The following FGF12 variants were observed in gnomAD, a reference collection of about 807,000 sequenced individuals.
FGF12 encodes fibroblast growth factor 12, also known as fibroblast growth factor 12B.
A neutral mutation model predicts 23.6 loss-of-function variants in FGF12; 14 were observed. The ratio of observed to expected loss-of-function variants is 0.59; its 90% confidence interval spans 0.39 to 0.93. The LOEUF (loss-of-function observed/expected upper bound fraction) is 0.93, where lower values mean the gene tolerates loss of function less well. Ranked by LOEUF, FGF12 falls within the 40% of genes least tolerant of loss-of-function variation. The pLI is 0.00. For synonymous variants in FGF12, 62 were observed against 77.3 expected (o/e 0.80, Z 1.04); for missense variants, 175 against 217.8 (o/e 0.80, Z 1.24).
At chr3:192,638,472 A>G (rs935874699) in intron 2 of FGF12, among the ~76,000 whole-genome samples, 24 of 152,220 alleles carry the variant, frequency 1.6e-4, no homozygotes, top group African/African-American at 5.5e-4. Context: ...GGAAGAGGGA[A>G]AGATTTCATT....
chr3:192,457,912 C>T (rs1722730053), intron 2 of FGF12, among the ~76,000 whole-genome samples: 1 of 152,160 alleles, frequency 6.6e-6, no homozygotes, highest in African/African-American at 2.4e-5. Context: ...GCCCAGGGTC[C>T]CTGTGCTGTG....
intron 4 of FGF12, among the ~76,000 whole-genome samples, chr3:192,287,264 A>G (rs1714505241): frequency 6.6e-6 from 1 of 151,952 alleles, no homozygotes; most frequent in Non-Finnish European, 1.5e-5. Flanking sequence ...TGCACTTAAC[A>G]ATTCACTGCT....
chr3:192,603,432 C>T (rs1410684146), intron 2 of FGF12, among the ~76,000 whole-genome samples: 2 of 152,018 alleles, frequency 1.3e-5, no homozygotes, highest in East Asian at 1.9e-4. Context: ...ATTCCATTTA[C>T]AATATCAACA....
chr3:192,250,451 C>A (rs1711931106), intron 4 of FGF12, among the ~76,000 whole-genome samples: 1 of 152,054 alleles, frequency 6.6e-6, no homozygotes, highest in African/African-American at 2.4e-5. Flanking sequence ...AATATTTACA[C>A]CTTGAGAAAA....
chr3:192,282,472 A>G (rs771603170), intron 4 of FGF12, among the ~76,000 whole-genome samples: 31 of 152,032 alleles, frequency 2.0e-4, no homozygotes, highest in Admixed American at 1.1e-3. Flanking sequence ...TACTCCCACT[A>G]TGAGATGTTT....
At chr3:192,679,635 C>CAAA (rs72404495) in intron 2 of FGF12, among the ~76,000 whole-genome samples, 5 of 146,248 alleles carry the variant, frequency 3.4e-5, no homozygotes, top group East Asian at 2.0e-4. Flanking sequence ...GCCTGCCAAC[C>CAAA]AAAAAAAAAA....
chr3:192,337,348 C>T (rs1185909984), intron 3 of FGF12, among the ~76,000 whole-genome samples: 1 of 152,006 alleles, frequency 6.6e-6, no homozygotes, highest in African/African-American at 2.4e-5. Context: ...GAACAGAAAA[C>T]ATTTTAGTGA....
chr3:192,478,941 G>T (rs1269247877), intron 2 of FGF12, among the ~76,000 whole-genome samples: 1 of 152,076 alleles, frequency 6.6e-6, no homozygotes, highest in South Asian at 2.1e-4. Context: ...AACCTGCTCA[G>T]TCCACTTTTC....
chr3:192,187,267 C>T (rs1270900386), intron 4 of FGF12, among the ~76,000 whole-genome samples: 1 of 152,140 alleles, frequency 6.6e-6, no homozygotes, highest in African/African-American at 2.4e-5. Context: ...TAGTTTCTGA[C>T]ATATATAGTC....
At chr3:192,325,361 CT>C (rs1401971545) in intron 4 of FGF12, among the ~76,000 whole-genome samples, 1 of 152,128 alleles carries the variant, frequency 6.6e-6, no homozygotes, top group Non-Finnish European at 1.5e-5. Context: ...TGTAAATGAT[CT>C]AAACTGAATA....
intron 2 of FGF12, among the ~76,000 whole-genome samples, chr3:192,395,994 G>A (rs1044742954): frequency 3.3e-5 from 5 of 152,180 alleles, no homozygotes; most frequent in African/African-American, 7.2e-5. Context: ...TAGTATGTGG[G>A]GAAGGGTGGA....
intron 4 of FGF12, among the ~76,000 whole-genome samples, chr3:192,240,906 T>G (rs1338545941): frequency 2.0e-5 from 3 of 152,204 alleles, no homozygotes; most frequent in Admixed American, 2.0e-4. Flanking sequence ...AAAGGACTTC[T>G]TTGAGCTTTC....
chr3:192,147,657 AT>A (rs58042604), intron 5 of FGF12, among the ~76,000 whole-genome samples: 1 of 151,990 alleles, frequency 6.6e-6, no homozygotes, highest in Non-Finnish European at 1.5e-5. Context: ...TATCACCCCC[AT>A]TTTTTTTAAA....
chr3:192,339,646 C>A (rs1717598607), intron 3 of FGF12, among the ~76,000 whole-genome samples: 1 of 152,166 alleles, frequency 6.6e-6, no homozygotes, highest in African/African-American at 2.4e-5. Context: ...TTGGCCAACT[C>A]TTTTCATCAT....
At chr3:192,596,872 A>G (rs1713880020) in intron 2 of FGF12, among the ~76,000 whole-genome samples, 1 of 152,230 alleles carries the variant, frequency 6.6e-6, no homozygotes, top group African/African-American at 2.4e-5. Context: ...GGAGGCTGCT[A>G]AACTTTCTGG....
intron 4 of FGF12, among the ~76,000 whole-genome samples, chr3:192,224,177 G>T (rs1718612183): frequency 6.6e-6 from 1 of 152,088 alleles, no homozygotes; most frequent in South Asian, 2.1e-4. Flanking sequence ...TTCTATATTT[G>T]CAAGGTGCAG....
intron 2 of FGF12, among the ~76,000 whole-genome samples, chr3:192,643,589 CCTTTT>C (rs1307930272): frequency 3.3e-5 from 5 of 152,150 alleles, no homozygotes; most frequent in African/African-American, 4.8e-5. Context: ...AATGTCCTTT[CCTTTT>C]AATTTTCATA....
At chr3:192,420,227 G>A (rs992587100) in intron 2 of FGF12, among the ~76,000 whole-genome samples, 1 of 152,120 alleles carries the variant, frequency 6.6e-6, no homozygotes, top group Non-Finnish European at 1.5e-5. Flanking sequence ...GCTATTAGGA[G>A]CTCTGCTATG....
intron 2 of FGF12, among the ~76,000 whole-genome samples, chr3:192,596,276 G>A (rs980301889): frequency 2.6e-5 from 4 of 151,778 alleles, no homozygotes; most frequent in East Asian, 3.9e-4. Flanking sequence ...CGTCAAGACT[G>A]TTCAATGACT....
Sources: allele counts gnomAD v4.1 joint callset (sites outside exome capture counted in the v4.1 genomes callset), GRCh38; gene constraint gnomAD v4.1.1; transcripts MANE v1.5; gene names NCBI Gene and HGNC (gene_info 2026-07-23, HGNC 2026-07-21).